Variants in CPVL observed in about 807,000 individuals in gnomAD.
CPVL encodes the protein carboxypeptidase vitellogenic like, also known as probable serine carboxypeptidase CPVL.
A neutral mutation model predicts 63.7 loss-of-function variants in CPVL; 51 were observed. The observed-to-expected ratio is 0.80, with a 90% CI of 0.64 to 1.01. The LOEUF (loss-of-function observed/expected upper bound fraction) is 1.01. CPVL is among the 50% of genes least tolerant of loss of function. The pLI, the probability that CPVL is intolerant of heterozygous loss-of-function variation, is 0.00. For missense variants in CPVL, 530 were observed against 573.1 expected (o/e 0.92, Z 0.77); for synonymous variants, 195 against 206.0 (o/e 0.95, Z 0.46).
chr7:29,079,050 A>G (rs952209306), intron 7 of CPVL, among the ~76,000 whole-genome samples: 3 of 152,226 alleles, frequency 2.0e-5, no homozygotes, highest in Admixed American at 6.5e-5. Context: ...TCAAGTCCTT[A>G]TATCACTTGA....
chr7:29,052,447 A>G (rs1790278481), intron 11 of CPVL, among the ~76,000 whole-genome samples: 1 of 151,758 alleles, frequency 6.6e-6, no homozygotes, highest in Admixed American at 6.6e-5. Flanking sequence ...TTCCAAAAAA[A>G]AAAAAAAAAA....
At chr7:29,101,192 C>T (rs1179648919) in intron 3 of CPVL, among the ~76,000 whole-genome samples, 3 of 152,188 alleles carry the variant, frequency 2.0e-5, no homozygotes, top group African/African-American at 7.2e-5. Flanking sequence ...GAAATGACCA[C>T]TTTAGTTCAT....
At chr7:29,097,136 T>A (rs1786519397) in intron 3 of CPVL, among the ~76,000 whole-genome samples, 1 of 152,112 alleles carries the variant, frequency 6.6e-6, no homozygotes, top group Admixed American at 6.5e-5. Context: ...GGTACAGATT[T>A]ATTTAGGAGA....
intron 12 of CPVL, among the ~76,000 whole-genome samples, chr7:29,007,752 AAC>A (rs70977090): frequency 0.086 from 12,935 of 149,818 alleles, 1,644 homozygotes; most frequent in African/African-American, 0.28. Context: ...GTAGTATTAA[AAC>A]ACACACACAC....
Position 29,096,216 on chromosome 7 carries a change from ATC to A in CPVL, c.289-1_289del. 6.2e-7 allele frequency: 1 copy of A among 1,611,528 alleles called. No homozygotes were observed. The highest frequency in any genetic ancestry group is 2.2e-5 in the East Asian group (1 of 44,860). On this transcript the variant is annotated splice_acceptor_variant and coding_sequence_variant, in exon 4 of 13. Coordinates refer to ENST00000265394, the MANE Select transcript of CPVL (RefSeq NM_031311.5). ...AACTACTGGGGCATCTTCTGGCTGT[ATC>A]TAGAGGAAACAGTAAAACCAGTGAC...
intron 1 of CPVL, chr7:29,127,610 A>C (rs1385759176): frequency 6.6e-6 from 1 of 152,170 alleles, no homozygotes; most frequent in Non-Finnish European, 1.5e-5. Context: ...GAAATTGAAA[A>C]AACAGCAGAA....
chr7:29,107,846 C>G (rs1787872595), intron 3 of CPVL, among the ~76,000 whole-genome samples: 1 of 152,222 alleles, frequency 6.6e-6, no homozygotes, highest in Non-Finnish European at 1.5e-5. Context: ...GTACATGGCA[C>G]CATGCTGAAG....
intron 3 of CPVL, among the ~76,000 whole-genome samples, chr7:29,098,707 C>T (rs1174686599): frequency 6.6e-6 from 1 of 152,104 alleles, no homozygotes; most frequent in Non-Finnish European, 1.5e-5. Context: ...TACTACCCAC[C>T]AGTGTGTAAC....
At chr7:29,137,031 C>T (rs922374978) in intron 1 of CPVL, among the ~76,000 whole-genome samples, 5 of 152,176 alleles carry the variant, frequency 3.3e-5, no homozygotes, top group African/African-American at 1.2e-4. Context: ...TACTGCAAAC[C>T]TCCAAACTAG....
chr7:29,057,119 AAATT>A (rs1790821870), intron 11 of CPVL, among the ~76,000 whole-genome samples: 1 of 151,232 alleles, frequency 6.6e-6, no homozygotes, highest in South Asian at 2.1e-4. Context: ...TCCAGCTAAT[AAATT>A]AATTAATTAT....
At position 29,030,718 on chromosome 7, in the gene CPVL, A is replaced by AGCT. The variant is rs1256493659; in HGVS notation, c.1176_1178dup (p.Ala394dup). The AGCT allele has an allele frequency of 6.2e-7, 1 of 1,612,734 alleles. No individual in the cohort carries two copies. The highest frequency in any genetic ancestry group is 8.5e-7 in the Non-Finnish European group (1 of 1,179,544). On this transcript the variant is annotated inframe_insertion, in exon 12 of 13. Transcript: ENST00000265394. The stretch of plus-strand genomic sequence containing the variant: ...CCATCAAGGAGCGCTCTGTCAGGGC[A>AGCT]GCTGCCACGATGATGTCCAGTTGGC...
At chr7:29,059,325 T>A (rs900311344) in intron 11 of CPVL, among the ~76,000 whole-genome samples, 2 of 152,196 alleles carry the variant, frequency 1.3e-5, no homozygotes, top group African/African-American at 4.8e-5. Context: ...TCCATTAAAA[T>A]CCTTAGCATA....
chr7:29,119,035 A>C (rs1266670238), intron 2 of CPVL, among the ~76,000 whole-genome samples: 1 of 152,200 alleles, frequency 6.6e-6, no homozygotes, highest in East Asian at 1.9e-4. Context: ...CCTGGACCCC[A>C]GTGCTCCCTC....
chr7:29,118,204 G>A (rs1436570349), intron 2 of CPVL, among the ~76,000 whole-genome samples: 3 of 152,190 alleles, frequency 2.0e-5, no homozygotes, highest in African/African-American at 2.4e-5. Context: ...CACACATCCC[G>A]TTGGGCAACT....
chr7:28,997,706 C>T (rs1194317744), intron 12 of CPVL, among the ~76,000 whole-genome samples: 5 of 151,280 alleles, frequency 3.3e-5, no homozygotes, highest in African/African-American at 1.2e-4. Context: ...TTAATCAAAC[C>T]CTCTACTCAA....
intron 12 of CPVL, among the ~76,000 whole-genome samples, chr7:29,029,453 A>G (rs1787805507): frequency 6.6e-6 from 1 of 152,116 alleles, no homozygotes; most frequent in Non-Finnish European, 1.5e-5. Context: ...TATACACACA[A>G]TGGAATATTA....
chr7:29,037,244 C>A (rs1356355190), intron 11 of CPVL, among the ~76,000 whole-genome samples: 2 of 152,052 alleles, frequency 1.3e-5, no homozygotes, highest in Admixed American at 6.6e-5. Flanking sequence ...TTCATCTGCA[C>A]AATGGGTATA....
chr7:29,179,572 G>A (rs1448162905), intron 5 of CPVL, among the ~76,000 whole-genome samples: 1 of 152,194 alleles, frequency 6.6e-6, no homozygotes. Flanking sequence ...GAACAAGGCA[G>A]ATGTTAGTAA....
At chr7:29,065,317 G>A (rs1411657403) in intron 10 of CPVL, among the ~76,000 whole-genome samples, 3 of 152,062 alleles carry the variant, frequency 2.0e-5, no homozygotes, top group Non-Finnish European at 2.9e-5. Context: ...CTGCAGCATT[G>A]GCGAATTCCA....
Sources: gnomAD v4.1 joint callset for allele counts (sites outside exome capture counted in the v4.1 genomes callset) on GRCh38, gnomAD v4.1.1 for gene constraint, MANE v1.5 for transcripts, NCBI Gene and HGNC (gene_info 2026-07-23, HGNC 2026-07-21) for gene names.